TTC27: variants seen among roughly 807,000 people sequenced by gnomAD.
The protein encoded by TTC27 is tetratricopeptide repeat protein 27.
In TTC27, 79 loss-of-function variants were observed where a neutral mutation model predicts 115.9. The ratio of observed to expected loss-of-function variants is 0.68; its 90% CI spans 0.57 to 0.82. The LOEUF is 0.82. Ranked by LOEUF, TTC27 falls within the 40% of genes least tolerant of loss-of-function variation. TTC27 has a pLI of 0.00. For missense variants in TTC27, 1,054 were observed against 993.1 expected, an observed-to-expected ratio of 1.06 and a Z score of -0.82; for synonymous variants, 401 against 356.0, an observed-to-expected ratio of 1.13 and a Z score of -1.42.
intron 3 of TTC27, among the ~76,000 whole-genome samples, chr2:32,638,704 T>C (rs1484481429): frequency 6.6e-6 from 1 of 151,970 alleles, no homozygotes; most frequent in Non-Finnish European, 1.5e-5. Context: ...TTGAATACTT[T>C]AAACAATATT....
At chr2:32,747,549 G>A (rs1031230794) in intron 12 of TTC27, among the ~76,000 whole-genome samples, 17 of 152,162 alleles carry the variant, frequency 1.1e-4, no homozygotes, top group Admixed American at 5.2e-4. Context: ...TACCAAATGT[G>A]TATTGCTATG....
chr2:32,667,435 G>C (rs1402303772), intron 7 of TTC27, among the ~76,000 whole-genome samples: 1 of 48,132 alleles, frequency 2.1e-5, no homozygotes, highest in African/African-American at 7.6e-5. Context: ...TTTTTTTTTT[G>C]AGATGGAGTC....
intron 13 of TTC27, among the ~76,000 whole-genome samples, chr2:32,759,660 C>G (rs1669367080): frequency 1.3e-5 from 2 of 152,140 alleles, no homozygotes; most frequent in African/African-American, 4.8e-5. Flanking sequence ...TGTTGGGCAA[C>G]CAATCTCCAG....
intron 5 of TTC27, among the ~76,000 whole-genome samples, chr2:32,663,846 G>A (rs753517493): frequency 1.3e-5 from 2 of 151,956 alleles, no homozygotes; most frequent in South Asian, 2.1e-4. Context: ...CACTATGCCC[G>A]GCTAATTTTT....
chr2:32,779,859 CATGTAG>C (rs2148014785), intron 14 of TTC27, among the ~76,000 whole-genome samples: 1 of 152,270 alleles, frequency 6.6e-6, no homozygotes, highest in Admixed American at 6.5e-5. Context: ...CATTCTTTTA[CATGTAG>C]ATATCCAGTT....
At chr2:32,815,085 C>G (rs567678472) in intron 18 of TTC27, among the ~76,000 whole-genome samples, 1 of 152,044 alleles carries the variant, frequency 6.6e-6, no homozygotes, top group African/African-American at 2.4e-5. Context: ...GGAAGGTATA[C>G]ATTTATAGTT....
At chr2:32,810,292 A>G (rs1671277922) in intron 16 of TTC27, among the ~76,000 whole-genome samples, 1 of 152,160 alleles carries the variant, frequency 6.6e-6, no homozygotes, top group Non-Finnish European at 1.5e-5. Context: ...GATGGAAGTT[A>G]ATGAGGCCTG....
intron 5 of TTC27, among the ~76,000 whole-genome samples, chr2:32,662,218 CT>C (rs1490511472): frequency 6.6e-6 from 1 of 152,064 alleles, no homozygotes; most frequent in Non-Finnish European, 1.5e-5. Flanking sequence ...GGATATTGGC[CT>C]GAAATTTTCT....
chr2:32,743,560 T>C (rs1039886670), intron 12 of TTC27, among the ~76,000 whole-genome samples: 1 of 152,166 alleles, frequency 6.6e-6, no homozygotes, highest in Non-Finnish European at 1.5e-5. Flanking sequence ...AATATATTAG[T>C]TCCTTTTCTT....
In TTC27 at chr2:32,753,429, C is replaced by CTTTTTTT. The variant is rs776515945; in HGVS notation, c.1453-4844_1453-4838dup. On this transcript the variant is annotated intron_variant, in intron 12 of 19. Transcript: ENST00000317907. ...ATACTCGGTTAATCCAATCAAATGC[C>CTTTTTTT]TTTTTTTTTTTTTTTTTTTTTTTTT... 4.4e-3 allele frequency among the ~76,000 whole-genome samples: 321 copies of CTTTTTTT among 72,888 alleles called. 24 individuals are homozygous for CTTTTTTT. The highest frequency in any genetic ancestry group is 6.4e-3 in the East Asian group (12 of 1,872). 47.8% of individuals were successfully genotyped at this position (72,888 alleles called of 152,430 possible).
Position 32,692,036 on chromosome 2 carries a change from G to GTTTTTTTTTTTTTTTTTT in TTC27, c.1120-10762_1120-10745dup, listed in dbSNP as rs779547700. 4.7e-3 allele frequency among the ~76,000 whole-genome samples: 286 copies of GTTTTTTTTTTTTTTTTTT among 61,208 alleles called. 55 individuals are homozygous for GTTTTTTTTTTTTTTTTTT. The highest frequency in any genetic ancestry group is 6.0e-3 in the Non-Finnish European group (208 of 34,580). The allele number at this position is 61,208 out of a possible 152,430, so 40.2% of individuals were successfully genotyped here. A position where few individuals can be genotyped will look rare whatever the true frequency, so the allele number is the denominator to read the frequency against. On this transcript the variant is annotated intron_variant, in intron 9 of 19. Transcript: ENST00000317907. ...GGGATATTCTTTTTTAATTTTTTAG[G>GTTTTTTTTTTTTTTTTTT]TTTTTTTTTTTTTTTTTTTTTTTTT...
chr2:32,659,250 C>T (rs1665444831), intron 5 of TTC27, among the ~76,000 whole-genome samples: 1 of 152,128 alleles, frequency 6.6e-6, no homozygotes, highest in African/African-American at 2.4e-5. Context: ...ATAGCGTGAG[C>T]CACGATGCCC....
chr2:32,758,632 A>T (rs1056526630), intron 13 of TTC27, 113 bp downstream of exon 13: 2 of 959,318 alleles, frequency 2.1e-6, no homozygotes, highest in Non-Finnish European at 3.1e-6. Context: ...TTTGTTTTTG[A>T]CAGCTAAGAA....
chr2:32,812,092 T>C (rs927087), intron 17 of TTC27, among the ~76,000 whole-genome samples: 62,849 of 152,040 alleles, frequency 0.41, 13,440 homozygotes, highest in South Asian at 0.59. Context: ...GACTTCTCCC[T>C]CAAGGATTTG....
intron 11 of TTC27, 40 bp downstream of exon 11, chr2:32,733,963 G>A: frequency 7.4e-7 from 1 of 1,357,124 alleles, no homozygotes; most frequent in Admixed American, 1.9e-5. Context: ...AAATTACTTG[G>A]CATTAGAAAG....
intron 16 of TTC27, among the ~76,000 whole-genome samples, chr2:32,810,012 G>A (rs1462087648): frequency 6.6e-6 from 1 of 151,884 alleles, no homozygotes; most frequent in Admixed American, 6.6e-5. Context: ...AGCTACTTGG[G>A]AGGCTGAGGC....
chr2:32,659,914 A>G (rs553989684), intron 5 of TTC27, among the ~76,000 whole-genome samples: 1 of 152,078 alleles, frequency 6.6e-6, no homozygotes, highest in Non-Finnish European at 1.5e-5. Context: ...CCAGTCTATC[A>G]TTGATGGGCA....
intron 16 of TTC27, among the ~76,000 whole-genome samples, chr2:32,794,379 T>C (rs1371753940): frequency 6.6e-6 from 1 of 151,902 alleles, no homozygotes; most frequent in Non-Finnish European, 1.5e-5. Context: ...ACAAGAGAAA[T>C]TAGAAAATAC....
intron 15 of TTC27, among the ~76,000 whole-genome samples, chr2:32,786,281 C>T (rs11900646): frequency 6.6e-6 from 1 of 151,876 alleles, no homozygotes; most frequent in Non-Finnish European, 1.5e-5. Flanking sequence ...GCCACCATGC[C>T]CAGCTGCTTT....
Sources: allele counts gnomAD v4.1 joint callset (sites outside exome capture counted in the v4.1 genomes callset), GRCh38; gene constraint gnomAD v4.1.1; transcripts MANE v1.5; gene names NCBI Gene and HGNC (gene_info 2026-07-23, HGNC 2026-07-21).